Variants in ACYP2 observed in about 807,000 individuals in gnomAD.
The protein encoded by ACYP2 is acylphosphatase 2, also known as acylphosphatase-2.
ACYP2 carries 12 observed loss-of-function variants against 11.2 expected under a neutral mutation model. The observed-to-expected ratio is 1.08, with a 90% CI of 0.69 to 1.74. The LOEUF is 1.74. Among genes scored for constraint, ACYP2 ranks in the 40% most tolerant of loss-of-function variants. The pLI is 0.00. For missense variants in ACYP2, 134 were observed against 101.9 expected (o/e 1.31, Z -1.35); for synonymous variants, 43 against 32.2 (o/e 1.33, Z -1.13).
intron 6 of ACYP2, among the ~76,000 whole-genome samples, chr2:54,262,771 A>C (rs1687838337): frequency 6.6e-6 from 1 of 152,256 alleles, no homozygotes; most frequent in Middle Eastern, 3.4e-3. Context: ...TTTTGTTTCA[A>C]GTAAAGCATT....
At chr2:54,000,696 G>T (rs1285452830) in intron 2 of ACYP2, among the ~76,000 whole-genome samples, 1 of 152,170 alleles carries the variant, frequency 6.6e-6, no homozygotes, top group Non-Finnish European at 1.5e-5. Flanking sequence ...GATAACCCCA[G>T]CAGGGGCAAG....
intron 2 of ACYP2, among the ~76,000 whole-genome samples, chr2:53,977,092 G>A (rs1312196251): frequency 2.6e-5 from 4 of 152,180 alleles, no homozygotes; most frequent in Admixed American, 1.3e-4. Context: ...CTGTTGCCCA[G>A]GCTGGTGTGC....
chr2:54,079,895 A>T (rs1421976911), intron 4 of ACYP2: 1 of 151,156 alleles, frequency 6.6e-6, no homozygotes, highest in Non-Finnish European at 1.5e-5. Flanking sequence ...CAACAATAAT[A>T]TTTTAAATTA....
chr2:54,269,196 G>A (rs1416328966), intron 6 of ACYP2, among the ~76,000 whole-genome samples: 5 of 152,100 alleles, frequency 3.3e-5, no homozygotes, highest in Non-Finnish European at 7.4e-5. Flanking sequence ...GATTATTCCA[G>A]GTCAGCCTCC....
chr2:54,252,157 A>AAAAG (rs1183033591), intron 6 of ACYP2, among the ~76,000 whole-genome samples: 1 of 152,218 alleles, frequency 6.6e-6, no homozygotes, highest in Non-Finnish European at 1.5e-5. Context: ...CTTCATACAT[A>AAAAG]AAAGAATTAT....
At chr2:54,244,594 C>G (rs1686870927) in intron 6 of ACYP2, among the ~76,000 whole-genome samples, 1 of 152,178 alleles carries the variant, frequency 6.6e-6, no homozygotes. Context: ...ATTTCCTGTT[C>G]TGTTTTCTTG....
At chr2:54,029,441 A>ATATATG in intron 2 of ACYP2, 1 of 260,142 alleles carries the variant, frequency 3.8e-6, no homozygotes, top group Admixed American at 4.7e-5. Context: ...ACACATATGT[A>ATATATG]TATATGTATA....
At chr2:54,043,682 G>A (rs1026472315) in intron 2 of ACYP2, among the ~76,000 whole-genome samples, 2 of 152,116 alleles carry the variant, frequency 1.3e-5, no homozygotes, top group African/African-American at 4.8e-5. Context: ...ATATAAAGGG[G>A]ATAATGGGTC....
At chr2:54,187,033 T>C (rs183564437) in intron 6 of ACYP2, among the ~76,000 whole-genome samples, 182 of 152,186 alleles carry the variant, frequency 1.2e-3, no homozygotes, top group Admixed American at 0.01. Flanking sequence ...TTTTCATCCA[T>C]AGGAAAATAA....
At chr2:54,276,664 A>ACAC (rs1553405236) in intron 6 of ACYP2, among the ~76,000 whole-genome samples, 57 of 126,666 alleles carry the variant, frequency 4.5e-4, no homozygotes, top group Non-Finnish European at 8.7e-4. Context: ...CACACACACC[A>ACAC]CACACAAGAA....
At chr2:54,048,433 GA>G (rs933183099) in intron 2 of ACYP2, among the ~76,000 whole-genome samples, 138 of 150,488 alleles carry the variant, frequency 9.2e-4, no homozygotes, top group African/African-American at 3.0e-3. Flanking sequence ...TCAAGAAAAA[GA>G]AAAAAAAATT....
chr2:54,265,118 AAGATAAGCATGTGT>A (rs2104057816), intron 6 of ACYP2, among the ~76,000 whole-genome samples: 1 of 152,332 alleles, frequency 6.6e-6, no homozygotes, highest in Non-Finnish European at 1.5e-5. Flanking sequence ...AGGGGGTCAA[AAGATAAGCATGTGT>A]ATTAGTCCAT....
intron 4 of ACYP2, among the ~76,000 whole-genome samples, chr2:54,116,565 C>T (rs1679809913): frequency 6.8e-6 from 1 of 147,126 alleles, no homozygotes; most frequent in Non-Finnish European, 1.5e-5. Context: ...TACATATATG[C>T]ACATGTATGA....
At chr2:54,165,588 A>T (rs565311693) in intron 6 of ACYP2, among the ~76,000 whole-genome samples, 2 of 151,410 alleles carry the variant, frequency 1.3e-5, no homozygotes, top group African/African-American at 4.9e-5. Context: ...AGACAACCAA[A>T]GTCTTCTAAG....
chr2:54,126,597 C>CA (rs34045950), intron 4 of ACYP2, among the ~76,000 whole-genome samples: 61,887 of 109,570 alleles, frequency 0.56, 17,632 homozygotes, highest in Middle Eastern at 0.65. Flanking sequence ...GTCAAATTTG[C>CA]AAAAAAAAAA....
intron 6 of ACYP2, among the ~76,000 whole-genome samples, chr2:54,139,137 T>C (rs1016361603): frequency 3.9e-5 from 6 of 152,152 alleles, no homozygotes; most frequent in African/African-American, 7.2e-5. Flanking sequence ...TCGAGAAGAA[T>C]TGTGGCTTCC....
In ACYP2 at chr2:54,305,257, T is replaced by G. The variant is rs1689874999; in HGVS notation, c.*455T>G. The G allele has an allele frequency of 6.6e-6, 1 of 150,712 alleles. No homozygotes were observed. The highest frequency in any genetic ancestry group is 2.0e-4 in the East Asian group (1 of 4,956). 9.3% of individuals were successfully genotyped at this position (150,712 alleles called of 1,614,324 possible). On this transcript the variant is annotated 3_prime_UTR_variant, in exon 7 of 7. Coordinates refer to ENST00000607452, the MANE Select transcript of ACYP2 (RefSeq NM_001320586.2). ...AACCAGTGATTAGAAATAAATGTGATGATCAATATAACCATAAAATATTAT... is the reference window on the plus strand; with the variant it reads ...AACCAGTGATTAGAAATAAATGTGAGGATCAATATAACCATAAAATATTAT...
At chr2:54,007,031 A>C (rs1259752567) in intron 2 of ACYP2, among the ~76,000 whole-genome samples, 1 of 149,438 alleles carries the variant, frequency 6.7e-6, no homozygotes, top group Non-Finnish European at 1.5e-5. Flanking sequence ...AGGCTGAGGC[A>C]GGAGAATCAC....
At position 54,021,333 on chromosome 2, in the gene ACYP2, T is replaced by C. The variant is rs140379032; in HGVS notation, c.63-29625T>C. 2.8e-4 allele frequency among the ~76,000 whole-genome samples: 42 copies of C among 152,246 alleles called. 1 individual carries two copies. The East Asian group carries it at 7.9e-3, about 29-fold the overall frequency. ...GGTGGAAAAGATTGTTTACTGAAAC[T>C]AGGGGCAAGGAGAACGAGGAAGTTA... On this transcript the variant is annotated intron_variant, in intron 2 of 6. Transcript: ENST00000607452.
Sources: gnomAD v4.1 joint callset for allele counts (sites outside exome capture counted in the v4.1 genomes callset) on GRCh38, gnomAD v4.1.1 for gene constraint, MANE v1.5 for transcripts, NCBI Gene and HGNC (gene_info 2026-07-23, HGNC 2026-07-21) for gene names.